The following CLPTM1L variants were observed in gnomAD, a reference collection of about 807,000 sequenced individuals.
CLPTM1L encodes the protein lipid scramblase CLPTM1L.
CLPTM1L carries 38 observed loss-of-function variants against 70.9 expected under a neutral mutation model. The ratio of observed to expected loss-of-function variants is 0.54; its 90% CI spans 0.41 to 0.70. The LOEUF (loss-of-function observed/expected upper bound fraction) is 0.70. Among genes scored for constraint, CLPTM1L ranks in the 30% least tolerant of loss-of-function variants. The pLI is 0.00. For synonymous variants in CLPTM1L, 339 were observed against 299.9 expected, an observed-to-expected ratio of 1.13 and a Z score of -1.35; for missense variants, 652 against 705.9, an observed-to-expected ratio of 0.92 and a Z score of 0.87.
intron 7 of CLPTM1L, among the ~76,000 whole-genome samples, chr5:1,333,667 G>C (rs1443042731): frequency 1.1e-4 from 10 of 95,208 alleles, no homozygotes; most frequent in Non-Finnish European, 1.9e-4. Context: ...CACCGGCTGA[G>C]GATAAGGGGG....
chr5:1,320,894 C>T (rs187564955), intron 15 of CLPTM1L, among the ~76,000 whole-genome samples, 163 bp from the exon 16 acceptor site: 25 of 152,354 alleles, frequency 1.6e-4, no homozygotes, highest in Admixed American at 9.8e-4. Context: ...AGTGGAGATA[C>T]GGAGCTCTGT....
chr5:1,323,734 A>G (rs985173029), intron 12 of CLPTM1L, 53 bp downstream of exon 12: 22 of 1,511,226 alleles, frequency 1.5e-5, no homozygotes, highest in Non-Finnish European at 2.0e-5. Flanking sequence ...CAGTCATCCA[A>G]ATGGCTTTCT....
chr5:1,326,115 C>T (rs1040840266), intron 9 of CLPTM1L: 5 of 399,974 alleles, frequency 1.3e-5, no homozygotes, highest in Admixed American at 4.0e-5. Context: ...TAAGCCCCCA[C>T]CTACTTCTGC....
intron 9 of CLPTM1L, among the ~76,000 whole-genome samples, chr5:1,329,434 C>A (rs1752919601): frequency 6.6e-6 from 1 of 151,686 alleles, no homozygotes; most frequent in Admixed American, 6.6e-5. Context: ...GCTTGGTGGA[C>A]AGGGCCTCAG....
At chr5:1,329,429 G>T (rs1192185105) in intron 9 of CLPTM1L, among the ~76,000 whole-genome samples, 1 of 151,436 alleles carries the variant, frequency 6.6e-6, no homozygotes, top group Non-Finnish European at 1.5e-5. Flanking sequence ...CCTCTGCTTG[G>T]TGGACAGGGC....
At chr5:1,339,523 G>C (rs58974658) in intron 3 of CLPTM1L, among the ~76,000 whole-genome samples, 3 of 119,102 alleles carry the variant, frequency 2.5e-5, no homozygotes, top group African/African-American at 3.5e-5. Flanking sequence ...CAGGGTCAGC[G>C]CCCTAACCTG....
At chr5:1,334,551 C>G (rs895314847) in intron 6 of CLPTM1L, among the ~76,000 whole-genome samples, 168 bp from the exon 7 acceptor site, 1 of 152,122 alleles carries the variant, frequency 6.6e-6, no homozygotes, top group Non-Finnish European at 1.5e-5. Flanking sequence ...GTCAGGAGTT[C>G]AAGACCAGCC....
chr5:1,332,075 C>T (rs893836425), intron 7 of CLPTM1L, 192 bp from the exon 8 acceptor site: 4 of 596,406 alleles, frequency 6.7e-6, no homozygotes, highest in African/African-American at 3.7e-5. Flanking sequence ...CTAGAGTGCC[C>T]AGGCGGGCTT....
At chr5:1,339,532 T>C (rs1449468889) in intron 3 of CLPTM1L, among the ~76,000 whole-genome samples, 2 of 119,274 alleles carry the variant, frequency 1.7e-5, no homozygotes, top group Non-Finnish European at 3.4e-5. Flanking sequence ...CGCCCTAACC[T>C]GTGAACAGAT....
intron 9 of CLPTM1L, 92 bp downstream of exon 9, chr5:1,330,188 C>A: frequency 9.8e-7 from 1 of 1,017,844 alleles, no homozygotes; most frequent in South Asian, 1.4e-5. Flanking sequence ...CAGGCTTCCA[C>A]AGAAGGTCTC....
At chr5:1,334,138 G>C (rs1256494907) in intron 7 of CLPTM1L, 151 bp downstream of exon 7, 6 of 568,092 alleles carry the variant, frequency 1.1e-5, no homozygotes, top group African/African-American at 1.9e-5. Context: ...CTGGTGTCAG[G>C]CGTGCTGGCT....
rs1231660181 is a variant in CLPTM1L at position 1,330,006 on chromosome 5, A to C, written c.1080+274T>G. On this transcript the variant is annotated intron_variant, in intron 9 of 16. Transcript: ENST00000320895. Reference sequence around the variant, plus strand: ...GCTTGGTGGACAGAGCCTCAGGACTATCTGCTTGGTGGACAGGGCCTCAGG... The same window carrying C: ...GCTTGGTGGACAGAGCCTCAGGACTCTCTGCTTGGTGGACAGGGCCTCAGG... 5.0e-3 allele frequency among the ~76,000 whole-genome samples: 541 copies of C among 108,898 alleles called. 6 individuals carry two copies. Among genetic ancestry groups the C allele is most frequent in the African/African-American group, 0.017 (465 of 28,136 alleles). 71.4% of individuals were successfully genotyped at this position (108,898 alleles called of 152,430 possible).
Position 1,331,836 on chromosome 5 carries a change from C to T in CLPTM1L, c.939G>A (p.Lys313=). 6.2e-7 allele frequency: 1 copy of T among 1,613,454 alleles called. No individual in the cohort carries two copies. The highest frequency in any genetic ancestry group is 8.5e-7 in the Non-Finnish European group (1 of 1,179,990). ...LAFKNDISFW[K]KKKSMIGMST... ...ACATGCCGATCATGCTCTTCTTCTT[C>T]TTCCAGAAACTGATGTCATTTTTAA... The change falls in exon 8 of 17, where the codon AAG becomes AAA. Residue 313 remains lysine (K), a synonymous_variant. Transcript: ENST00000320895.
chr5:1,319,956 A>C (rs536098022), intron 16 of CLPTM1L, among the ~76,000 whole-genome samples: 1 of 152,310 alleles, frequency 6.6e-6, no homozygotes, highest in East Asian at 1.9e-4. Context: ...TTGCTGACTG[A>C]GAGGGCAGAT....
intron 8 of CLPTM1L, chr5:1,331,569 CTGTG>C: frequency 5.0e-6 from 2 of 401,908 alleles, no homozygotes; most frequent in Admixed American, 1.2e-4. Context: ...AGGCCCTGAG[CTGTG>C]CAGCCGCTGG....
intron 5 of CLPTM1L, among the ~76,000 whole-genome samples, chr5:1,335,550 T>C (rs1431965625): frequency 1.3e-5 from 2 of 152,250 alleles, no homozygotes; most frequent in Non-Finnish European, 2.9e-5. Flanking sequence ...GAGCTTGGCC[T>C]GCAGAGCCCT....
chr5:1,335,524 C>T (rs369190727), intron 5 of CLPTM1L, among the ~76,000 whole-genome samples: 3 of 152,378 alleles, frequency 2.0e-5, no homozygotes, highest in African/African-American at 4.8e-5. Flanking sequence ...GACTCCATGG[C>T]GCAGCATACG....
chr5:1,344,271 T>G, intron 2 of CLPTM1L, 80 bp downstream of exon 2: 1 of 944,646 alleles, frequency 1.1e-6, no homozygotes, highest in Non-Finnish European at 1.7e-6. Context: ...AAACATGTTA[T>G]GTACAGAAAG....
chr5:1,325,893 C>A, intron 9 of CLPTM1L, 77 bp from the exon 10 acceptor site: 1 of 1,240,656 alleles, frequency 8.1e-7, no homozygotes, highest in South Asian at 1.2e-5. Context: ...CAGACAGTAA[C>A]GGGTAGGACC....
Sources: allele counts gnomAD v4.1 joint callset (sites outside exome capture counted in the v4.1 genomes callset), GRCh38; gene constraint gnomAD v4.1.1; transcripts MANE v1.5; gene names NCBI Gene and HGNC (gene_info 2026-07-23, HGNC 2026-07-21).